DENND1A: variants seen among roughly 807,000 people sequenced by gnomAD.
DENND1A encodes the protein DENN domain-containing protein 1A.
In DENND1A, 51 loss-of-function variants were observed where a neutral mutation model predicts 113.7. The observed-to-expected ratio is 0.45, with a 90% CI of 0.36 to 0.57. The LOEUF (loss-of-function observed/expected upper bound fraction) is 0.57, where lower values mean the gene tolerates loss of function less well. Ranked by LOEUF, DENND1A falls within the 20% of genes least tolerant of loss-of-function variation. The probability of loss-of-function intolerance (pLI) is 0.00; values close to 1 mark genes in which losing one functional copy is unlikely to be tolerated. For missense variants in DENND1A, 1,258 were observed against 1,395.9 expected (o/e 0.90, Z 1.57); for synonymous variants, 565 against 570.8 (o/e 0.99, Z 0.14).
At chr9:123,426,506 G>A (rs375763278) in intron 19 of DENND1A, among the ~76,000 whole-genome samples, 3 of 152,208 alleles carry the variant, frequency 2.0e-5, no homozygotes, top group Non-Finnish European at 4.4e-5. Context: ...ACCACAGGTA[G>A]AGCTCCTCGT....
chr9:123,820,532 T>C (rs535285145), intron 2 of DENND1A, among the ~76,000 whole-genome samples: 2 of 152,236 alleles, frequency 1.3e-5, no homozygotes, highest in East Asian at 3.9e-4. Context: ...GCGAGCTCCC[T>C]GCTGAATGAC....
At chr9:123,670,997 C>A (rs768212249) in intron 7 of DENND1A, among the ~76,000 whole-genome samples, 1 of 152,028 alleles carries the variant, frequency 6.6e-6, no homozygotes, top group Non-Finnish European at 1.5e-5. Context: ...AAGAAGCAGG[C>A]GGAGCCAGCT....
chr9:123,558,466 C>T (rs563260614), intron 12 of DENND1A, among the ~76,000 whole-genome samples: 1 of 152,204 alleles, frequency 6.6e-6, no homozygotes, highest in South Asian at 2.1e-4. Context: ...CAAAGAAGCA[C>T]GTAATACATT....
intron 4 of DENND1A, among the ~76,000 whole-genome samples, chr9:123,758,532 G>A (rs2070768222): frequency 6.6e-6 from 1 of 152,142 alleles, no homozygotes; most frequent in South Asian, 2.1e-4. Flanking sequence ...GGCAAGCTTA[G>A]GTGTTACTTT....
intron 21 of DENND1A, among the ~76,000 whole-genome samples, chr9:123,394,535 T>C (rs2043021104): frequency 6.6e-6 from 1 of 152,264 alleles, no homozygotes; most frequent in South Asian, 2.1e-4. Context: ...TCTTGGGTTA[T>C]GCCCTTGGCT....
At chr9:123,505,834 C>T (rs969648040) in intron 13 of DENND1A, among the ~76,000 whole-genome samples, 8 of 152,236 alleles carry the variant, frequency 5.3e-5, no homozygotes, top group Middle Eastern at 3.4e-3. Flanking sequence ...GGTCCCCCAG[C>T]GACACGAGGC....
intron 2 of DENND1A, among the ~76,000 whole-genome samples, chr9:123,832,508 C>G (rs1840378077): frequency 6.6e-6 from 1 of 152,156 alleles, no homozygotes; most frequent in Non-Finnish European, 1.5e-5. Flanking sequence ...AAATTTCACT[C>G]CTATGTACAT....
intron 16 of DENND1A, among the ~76,000 whole-genome samples, chr9:123,454,518 A>C (rs2047966902): frequency 6.6e-6 from 1 of 152,190 alleles, no homozygotes; most frequent in Non-Finnish European, 1.5e-5. Context: ...CAGAGGAGGA[A>C]GCCTCTCATG....
intron 18 of DENND1A, among the ~76,000 whole-genome samples, chr9:123,440,837 G>A (rs2046876819): frequency 6.6e-6 from 1 of 152,128 alleles, no homozygotes; most frequent in African/African-American, 2.4e-5. Flanking sequence ...CACAGCTCAT[G>A]CATAATTTTA....
At chr9:123,596,043 C>G (rs928630521) in intron 11 of DENND1A, among the ~76,000 whole-genome samples, 5 of 152,224 alleles carry the variant, frequency 3.3e-5, no homozygotes, top group Admixed American at 3.3e-4. Context: ...GGTGTCAACA[C>G]CTTTCCCCAC....
At chr9:123,401,990 A>C in intron 21 of DENND1A, 1 of 1,590,684 alleles carries the variant, frequency 6.3e-7, no homozygotes. Flanking sequence ...TACAGTGTCT[A>C]AAAGGTTTAG....
At chr9:123,647,362 C>T (rs559429691) in intron 9 of DENND1A, among the ~76,000 whole-genome samples, 15 of 152,148 alleles carry the variant, frequency 9.9e-5, no homozygotes, top group Non-Finnish European at 1.5e-4. Context: ...TACCTCTGTT[C>T]GATTACAAGG....
intron 1 of DENND1A, among the ~76,000 whole-genome samples, chr9:123,918,396 G>A (rs1182627199): frequency 1.3e-5 from 2 of 151,800 alleles, no homozygotes; most frequent in Non-Finnish European, 2.9e-5. Context: ...GCTGAAGCAG[G>A]AGAATGGCGT....
At chr9:123,814,879 G>C (rs1012189151) in intron 2 of DENND1A, among the ~76,000 whole-genome samples, 1 of 152,284 alleles carries the variant, frequency 6.6e-6, no homozygotes, top group African/African-American at 2.4e-5. Flanking sequence ...CATTGGAATA[G>C]CATCAATATT....
intron 2 of DENND1A, among the ~76,000 whole-genome samples, chr9:123,841,469 T>C (rs560105251): frequency 6.6e-6 from 1 of 152,208 alleles, no homozygotes. Context: ...ATCTTCTTAA[T>C]ATTGAGATCT....
intron 5 of DENND1A, among the ~76,000 whole-genome samples, chr9:123,752,841 T>A (rs1295123567): frequency 6.6e-6 from 1 of 152,338 alleles, no homozygotes; most frequent in South Asian, 2.1e-4. Context: ...TGCTCTCACA[T>A]CCCTGTGTTT....
At chr9:123,498,695 G>C (rs1167792525) in intron 13 of DENND1A, among the ~76,000 whole-genome samples, 1 of 151,816 alleles carries the variant, frequency 6.6e-6, no homozygotes, top group Non-Finnish European at 1.5e-5. Flanking sequence ...ATGCAATTTT[G>C]GGCAAATCAC....
intron 10 of DENND1A, among the ~76,000 whole-genome samples, chr9:123,626,893 G>A (rs1284679693): frequency 6.6e-6 from 1 of 152,192 alleles, no homozygotes; most frequent in African/African-American, 2.4e-5. Context: ...CCAGGCCCAG[G>A]TGAAGTCAAT....
intron 19 of DENND1A, chr9:123,414,282 C>G: frequency 7.4e-7 from 1 of 1,358,608 alleles, no homozygotes; most frequent in Middle Eastern, 2.8e-4. Context: ...ACGTCAGGTT[C>G]TTTGCACAGT....
Sources: gnomAD v4.1 joint callset for allele counts (sites outside exome capture counted in the v4.1 genomes callset) on GRCh38, gnomAD v4.1.1 for gene constraint, MANE v1.5 for transcripts, NCBI Gene and HGNC (gene_info 2026-07-23, HGNC 2026-07-21) for gene names.